ADK: variants seen among roughly 807,000 people sequenced by gnomAD.
ADK encodes adenosine kinase, also known as N6,N6-dimethyladenosine kinase.
In ADK, 24 loss-of-function variants were observed where a neutral mutation model predicts 44.7. The observed-to-expected ratio is 0.54, with a 90% confidence interval of 0.39 to 0.76. The LOEUF (loss-of-function observed/expected upper bound fraction) is 0.76. Ranked by LOEUF, ADK falls within the 30% of genes least tolerant of loss-of-function variation. The pLI, the probability that ADK is intolerant of heterozygous loss-of-function variation, is 0.00. For synonymous variants in ADK, 128 were observed against 142.6 expected, an observed-to-expected ratio of 0.90 and a Z score of 0.73; for missense variants, 321 against 425.1, an observed-to-expected ratio of 0.76 and a Z score of 2.15.
intron 6 of ADK, among the ~76,000 whole-genome samples, chr10:74,411,978 A>T (rs1844198221): frequency 1.3e-5 from 2 of 152,184 alleles, no homozygotes; most frequent in African/African-American, 4.8e-5. Flanking sequence ...TTTCTCATCC[A>T]TTCAAGTTTT....
At chr10:74,581,530 C>G (rs1851373989) in intron 7 of ADK, among the ~76,000 whole-genome samples, 1 of 151,912 alleles carries the variant, frequency 6.6e-6, no homozygotes, top group Non-Finnish European at 1.5e-5. Context: ...GAAATTTTTC[C>G]AAATTTGATA....
At chr10:74,563,254 T>C (rs1195590917) in intron 7 of ADK, among the ~76,000 whole-genome samples, 3 of 152,202 alleles carry the variant, frequency 2.0e-5, no homozygotes, top group Non-Finnish European at 4.4e-5. Context: ...ACAGTTGAGC[T>C]CTTTCACCTG....
intron 6 of ADK, among the ~76,000 whole-genome samples, chr10:74,434,562 G>A (rs1845117594): frequency 6.6e-6 from 1 of 152,112 alleles, no homozygotes; most frequent in South Asian, 2.1e-4. Flanking sequence ...AAGGGCTGAG[G>A]AAAGCAAAAA....
At chr10:74,230,475 CTTT>C (rs201068955) in intron 3 of ADK, among the ~76,000 whole-genome samples, 3 of 142,674 alleles carry the variant, frequency 2.1e-5, no homozygotes, top group Non-Finnish European at 1.5e-5. Flanking sequence ...AGTATATAGT[CTTT>C]TTTTTTTTTT....
At chr10:74,322,970 A>G (rs1474060143) in intron 4 of ADK, among the ~76,000 whole-genome samples, 1 of 152,234 alleles carries the variant, frequency 6.6e-6, no homozygotes, top group East Asian at 1.9e-4. Flanking sequence ...ATAAATCTAC[A>G]CATATCACAG....
chr10:74,273,202 G>C (rs1400455220), intron 3 of ADK, among the ~76,000 whole-genome samples: 1 of 151,672 alleles, frequency 6.6e-6, no homozygotes, highest in Non-Finnish European at 1.5e-5. Context: ...GCCTTAAGCT[G>C]TCAGCTCCTT....
At chr10:74,568,149 GGT>G (rs112567669) in intron 7 of ADK, among the ~76,000 whole-genome samples, 1 of 151,658 alleles carries the variant, frequency 6.6e-6, no homozygotes, top group Admixed American at 6.6e-5. Context: ...GGTGTTGCTG[GGT>G]GTGTGTGTGT....
At chr10:74,637,629 A>G (rs1214985363) in intron 9 of ADK, among the ~76,000 whole-genome samples, 2 of 152,208 alleles carry the variant, frequency 1.3e-5, no homozygotes, top group African/African-American at 4.8e-5. Flanking sequence ...GGTTTAGGGA[A>G]TCTGTAGCTC....
chr10:74,302,695 C>T (rs1592014966), intron 3 of ADK, among the ~76,000 whole-genome samples: 1 of 152,114 alleles, frequency 6.6e-6, no homozygotes, highest in South Asian at 2.1e-4. Context: ...ACTTGTGGCA[C>T]TGAGGTAGGA....
At chr10:74,683,865 T>G (rs1478298440) in intron 10 of ADK, among the ~76,000 whole-genome samples, 1 of 152,252 alleles carries the variant, frequency 6.6e-6, no homozygotes, top group Admixed American at 6.5e-5. Flanking sequence ...CTGCAGTTTA[T>G]TTTTATAACA....
At chr10:74,234,444 A>AT (rs1348484388) in intron 3 of ADK, among the ~76,000 whole-genome samples, 1 of 152,190 alleles carries the variant, frequency 6.6e-6, no homozygotes, top group Admixed American at 6.5e-5. Context: ...TCCATTTTGT[A>AT]TAAGTTCAGT....
chr10:74,394,097 C>A (rs372924186), intron 4 of ADK, 44 bp from the exon 5 acceptor site: 5 of 1,589,150 alleles, frequency 3.1e-6, no homozygotes, highest in Non-Finnish European at 4.3e-6. Flanking sequence ...ACTATGTGTA[C>A]CATTTTTTTG....
intron 6 of ADK, among the ~76,000 whole-genome samples, chr10:74,448,218 G>A (rs142778343): frequency 6.6e-6 from 1 of 151,986 alleles, no homozygotes; most frequent in South Asian, 2.1e-4. Flanking sequence ...ACTTGGGAGG[G>A]TGAAGTGGGA....
chr10:74,277,593 G>A (rs1350936556), intron 3 of ADK, among the ~76,000 whole-genome samples: 1 of 151,892 alleles, frequency 6.6e-6, no homozygotes, highest in Non-Finnish European at 1.5e-5. Context: ...TAGTGACGGG[G>A]TTTCACCATG....
chr10:74,309,908 TTTATC>T (rs1329306278), intron 3 of ADK, among the ~76,000 whole-genome samples: 1 of 152,178 alleles, frequency 6.6e-6, no homozygotes, highest in African/African-American at 2.4e-5. Flanking sequence ...TTCTTTCAAC[TTTATC>T]TTAATTTGCT....
intron 3 of ADK, among the ~76,000 whole-genome samples, chr10:74,270,333 G>A (rs1435772601): frequency 6.6e-6 from 1 of 152,102 alleles, no homozygotes; most frequent in Non-Finnish European, 1.5e-5. Context: ...CATTTTTCTG[G>A]AAAATAATGA....
At chr10:74,551,320 A>C (rs1399589887) in intron 7 of ADK, 1 of 152,258 alleles carries the variant, frequency 6.6e-6, no homozygotes, top group East Asian at 1.9e-4. Flanking sequence ...AATCGTATGA[A>C]AATATCATGG....
intron 10 of ADK, among the ~76,000 whole-genome samples, chr10:74,697,049 A>AT (rs1564857711): frequency 1.3e-5 from 2 of 152,166 alleles, no homozygotes; most frequent in East Asian, 1.9e-4. Context: ...GTAAAATGAG[A>AT]TTTTTTACAA....
At chr10:74,309,981 G>T (rs1043018284) in intron 3 of ADK, among the ~76,000 whole-genome samples, 1 of 151,634 alleles carries the variant, frequency 6.6e-6, no homozygotes. Flanking sequence ...ATTCATCTTT[G>T]TTGTAATTTT....
Sources: gnomAD v4.1 joint callset for allele counts (sites outside exome capture counted in the v4.1 genomes callset) on GRCh38, gnomAD v4.1.1 for gene constraint, MANE v1.5 for transcripts, NCBI Gene and HGNC (gene_info 2026-07-23, HGNC 2026-07-21) for gene names.